The following CSMD1 variants were observed in gnomAD, a reference collection of about 807,000 sequenced individuals.
The protein encoded by CSMD1 is CUB and Sushi multiple domains 1.
A neutral mutation model predicts 417.5 loss-of-function variants in CSMD1; 213 were observed. The ratio of observed to expected loss-of-function variants is 0.51; its 90% CI spans 0.46 to 0.57. CSMD1 has a LOEUF of 0.57. CSMD1 is among the 20% of genes least tolerant of loss of function. The probability of loss-of-function intolerance (pLI) is 0.00; values close to 1 mark genes in which losing one functional copy is unlikely to be tolerated. For synonymous variants in CSMD1, 2,862 were observed against 1,736.8 expected (o/e 1.65, Z -16.11); for missense variants, 6,923 against 4,529.7 (o/e 1.53, Z -15.17).
chr8:4,689,850 T>C (rs1346852258), intron 1 of CSMD1, among the ~76,000 whole-genome samples: 1 of 152,172 alleles, frequency 6.6e-6, no homozygotes, highest in Non-Finnish European at 1.5e-5. Context: ...AATACTAGAC[T>C]CATTGTATGT....
chr8:3,889,053 C>T (rs1439243362), intron 5 of CSMD1, among the ~76,000 whole-genome samples: 1 of 151,984 alleles, frequency 6.6e-6, no homozygotes, highest in Non-Finnish European at 1.5e-5. Flanking sequence ...TTAAAAGGAG[C>T]TTAATATGTT....
chr8:4,654,696 C>T (rs1220078844), intron 1 of CSMD1, among the ~76,000 whole-genome samples: 5 of 152,054 alleles, frequency 3.3e-5, no homozygotes, highest in Non-Finnish European at 4.4e-5. Flanking sequence ...GGTCTCACAC[C>T]TGTGGAAGAG....
intron 4 of CSMD1, among the ~76,000 whole-genome samples, chr8:4,027,228 G>C (rs1000596223): frequency 4.6e-5 from 7 of 152,160 alleles, no homozygotes; most frequent in Admixed American, 3.9e-4. Context: ...TATTCTCATT[G>C]AGTCACCAAA....
intron 3 of CSMD1, among the ~76,000 whole-genome samples, chr8:4,397,807 T>C (rs751184639): frequency 6.6e-6 from 1 of 152,144 alleles, no homozygotes; most frequent in Non-Finnish European, 1.5e-5. Flanking sequence ...TACATGCTAA[T>C]TATACAATAT....
At chr8:4,879,570 G>C (rs1377543712) in intron 1 of CSMD1, among the ~76,000 whole-genome samples, 1 of 152,014 alleles carries the variant, frequency 6.6e-6, no homozygotes, top group Non-Finnish European at 1.5e-5. Flanking sequence ...TTTCTAGGGA[G>C]ATTTTTATAA....
intron 5 of CSMD1, among the ~76,000 whole-genome samples, chr8:3,770,330 A>C (rs925990329): frequency 2.0e-5 from 3 of 152,142 alleles, no homozygotes; most frequent in Non-Finnish European, 4.4e-5. Context: ...GGAGTTCAAG[A>C]CCAGCCTGTC....
intron 2 of CSMD1, among the ~76,000 whole-genome samples, chr8:4,462,031 C>G (rs181954172): frequency 6.6e-6 from 1 of 151,984 alleles, no homozygotes; most frequent in East Asian, 2.0e-4. Flanking sequence ...TGAGCCACCA[C>G]GTCTGGCTGC....
At chr8:3,393,987 A>ATAG (rs1811510558) in intron 17 of CSMD1, among the ~76,000 whole-genome samples, 1 of 15,824 alleles carries the variant, frequency 6.3e-5, no homozygotes, top group African/African-American at 2.1e-4. Context: ...TTAACGTATA[A>ATAG]TAATAATAAT....
At chr8:3,685,171 T>C (rs912645854) in intron 7 of CSMD1, among the ~76,000 whole-genome samples, 2 of 152,200 alleles carry the variant, frequency 1.3e-5, no homozygotes, top group East Asian at 3.8e-4. Flanking sequence ...TTTAAATTGA[T>C]GGATAAAATC....
At chr8:4,457,943 C>A (rs1163351705) in intron 2 of CSMD1, among the ~76,000 whole-genome samples, 1 of 152,136 alleles carries the variant, frequency 6.6e-6, no homozygotes, top group Non-Finnish European at 1.5e-5. Context: ...TGTATGTCAA[C>A]CCAGGCAGAA....
At chr8:3,856,380 C>T (rs1035176504) in intron 5 of CSMD1, among the ~76,000 whole-genome samples, 2 of 152,256 alleles carry the variant, frequency 1.3e-5, no homozygotes, top group Admixed American at 1.3e-4. Context: ...CCAATTAAAC[C>T]TCTTTTCTTT....
rs369432148 is a variant in CSMD1, at chr8:2,950,305, C to A, written c.10240G>T (p.Ala3414Ser). ...KKEEAHLLLK[A>S]FQIKGQADIF... ...TCTGCCTGGCCTTTAATTTGAAAAG[C>A]TTTCAGGAGTAAGTGGGCCTCCTCC... is the stretch of plus-strand genomic sequence containing the variant. The change falls in exon 67 of 70, where the codon GCT becomes TCT. Residue 3414 changes from alanine (A) to serine (S), a missense_variant. By Grantham distance (99) the Ala-to-Ser change is moderately conservative (BLOSUM62 1). Coordinates refer to ENST00000635120, the MANE Select transcript of CSMD1 (RefSeq NM_033225.6). 6.2e-7 allele frequency: 1 copy of A among 1,613,376 alleles called. No individual in the cohort carries two copies. The highest frequency in any genetic ancestry group is 8.5e-7 in the Non-Finnish European group (1 of 1,179,480).
chr8:4,215,547 G>A (rs1288619598), intron 3 of CSMD1, among the ~76,000 whole-genome samples: 1 of 151,240 alleles, frequency 6.6e-6, no homozygotes, highest in Non-Finnish European at 1.5e-5. Context: ...CCTTTACATT[G>A]TTCTGATAAT....
At chr8:4,253,679 A>C (rs1021201053) in intron 3 of CSMD1, among the ~76,000 whole-genome samples, 1 of 152,056 alleles carries the variant, frequency 6.6e-6, no homozygotes, top group African/African-American at 2.4e-5. Flanking sequence ...ACATACATTG[A>C]TTCTGCAATA....
intron 10 of CSMD1, among the ~76,000 whole-genome samples, chr8:3,548,972 C>T (rs1798795394): frequency 6.6e-6 from 1 of 152,120 alleles, no homozygotes; most frequent in East Asian, 1.9e-4. Flanking sequence ...TCTGCTCTTG[C>T]AGACACCCCT....
At chr8:3,586,511 T>G (rs1490736759) in intron 8 of CSMD1, among the ~76,000 whole-genome samples, 1 of 152,016 alleles carries the variant, frequency 6.6e-6, no homozygotes, top group Non-Finnish European at 1.5e-5. Flanking sequence ...AACCTTAACT[T>G]GTCATGACTA....
Position 4,986,798 on chromosome 8 carries a change from GAATT to G in CSMD1, c.85+7530_85+7533del, listed in dbSNP as rs141761559. Among the ~76,000 whole-genome samples, 1,295 of 152,186 alleles carry G rather than the reference GAATT, an allele frequency of 8.5e-3. 7 individuals are homozygous for G. The highest frequency in any genetic ancestry group is 0.03 in the African/African-American group (1,234 of 41,536). On this transcript the variant is annotated intron_variant, in intron 1 of 69. Coordinates refer to ENST00000635120, the MANE Select transcript of CSMD1 (RefSeq NM_033225.6). Reference sequence around the variant, plus strand: ...ACTGATGATAAAGAAGAAATCTTCTGAATTAATTGCACAATTTCATAGTATAGTA... The same window carrying G: ...ACTGATGATAAAGAAGAAATCTTCTGAATTGCACAATTTCATAGTATAGTA...
chr8:3,692,294 C>A (rs112907943), intron 7 of CSMD1, among the ~76,000 whole-genome samples: 2 of 152,122 alleles, frequency 1.3e-5, no homozygotes, highest in African/African-American at 2.4e-5. Context: ...TTTGTATACA[C>A]CCCACTGAAC....
intron 7 of CSMD1, among the ~76,000 whole-genome samples, chr8:3,663,880 C>A (rs183961448): frequency 1.3e-5 from 2 of 152,116 alleles, no homozygotes; most frequent in Non-Finnish European, 2.9e-5. Context: ...ACAGGCGCAA[C>A]CTCAACCTTG....
Sources: gnomAD v4.1 joint callset for allele counts (sites outside exome capture counted in the v4.1 genomes callset) on GRCh38, gnomAD v4.1.1 for gene constraint, MANE v1.5 for transcripts, NCBI Gene and HGNC (gene_info 2026-07-23, HGNC 2026-07-21) for gene names.